The following ASAP2 variants were observed in gnomAD, a reference collection of about 807,000 sequenced individuals.
The protein encoded by ASAP2 is arf-GAP with SH3 domain, ANK repeat and PH domain-containing protein 2.
In ASAP2, 45 loss-of-function variants were observed where a neutral mutation model predicts 131.4. The observed-to-expected ratio is 0.34, with a 90% CI of 0.27 to 0.44. The LOEUF (loss-of-function observed/expected upper bound fraction) is 0.44, where lower values mean the gene tolerates loss of function less well. ASAP2 is among the 20% of genes least tolerant of loss of function. ASAP2 has a pLI of 1.00. For missense variants in ASAP2, 1,011 were observed against 1,297.0 expected, an observed-to-expected ratio of 0.78 and a Z score of 3.39; for synonymous variants, 510 against 503.0, an observed-to-expected ratio of 1.01 and a Z score of -0.19.
intron 15 of ASAP2, among the ~76,000 whole-genome samples, chr2:9,365,804 C>T (rs147710225): frequency 6.6e-6 from 1 of 152,332 alleles, no homozygotes; most frequent in Non-Finnish European, 1.5e-5. Context: ...AGTGAGCTGC[C>T]ATAGAGCAGG....
At chr2:9,342,428 A>G (rs1039132859) in intron 9 of ASAP2, among the ~76,000 whole-genome samples, 1 of 152,204 alleles carries the variant, frequency 6.6e-6, no homozygotes, top group African/African-American at 2.4e-5. Context: ...CTTTTCAACA[A>G]ATTGTGCTGG....
intron 27 of ASAP2, among the ~76,000 whole-genome samples, chr2:9,402,545 A>C (rs778299731): frequency 6.6e-5 from 10 of 152,166 alleles, no homozygotes; most frequent in Admixed American, 1.3e-4. Context: ...AGTTGCCCAC[A>C]ACCCACCATC....
intron 12 of ASAP2, among the ~76,000 whole-genome samples, chr2:9,353,262 G>A (rs1350270107): frequency 6.6e-6 from 1 of 152,144 alleles, no homozygotes; most frequent in Non-Finnish European, 1.5e-5. Context: ...GAACTCTCAA[G>A]ATGCTTTTGA....
At chr2:9,280,316 A>G (rs907848614) in intron 2 of ASAP2, among the ~76,000 whole-genome samples, 2 of 152,128 alleles carry the variant, frequency 1.3e-5, no homozygotes, top group African/African-American at 4.8e-5. Context: ...TCAGGAGGGA[A>G]GGGGAAGAGC....
At chr2:9,254,236 A>AATATATATAT (rs34570938) in intron 1 of ASAP2, among the ~76,000 whole-genome samples, 2 of 47,110 alleles carry the variant, frequency 4.2e-5, no homozygotes, top group African/African-American at 1.4e-4. Context: ...AAAAAAAAAA[A>AATATATATAT]ATATATATAT....
chr2:9,226,971 G>A (rs1662814877), intron 1 of ASAP2, among the ~76,000 whole-genome samples: 1 of 152,136 alleles, frequency 6.6e-6, no homozygotes, highest in Admixed American at 6.5e-5. Context: ...GTGGAGCAGA[G>A]GTGTCGCCCA....
chr2:9,285,291 C>T (rs1267945977), intron 2 of ASAP2, among the ~76,000 whole-genome samples: 1 of 152,132 alleles, frequency 6.6e-6, no homozygotes, highest in East Asian at 1.9e-4. Context: ...ATTTTATTTG[C>T]TAATTGAAAA....
intron 15 of ASAP2, among the ~76,000 whole-genome samples, chr2:9,365,810 G>T (rs1282977059): frequency 6.6e-6 from 1 of 152,206 alleles, no homozygotes; most frequent in Non-Finnish European, 1.5e-5. Flanking sequence ...CTGCCATAGA[G>T]CAGGAGGGTG....
chr2:9,253,107 T>G (rs1392257837), intron 1 of ASAP2, among the ~76,000 whole-genome samples: 1 of 152,128 alleles, frequency 6.6e-6, no homozygotes, highest in African/African-American at 2.4e-5. Context: ...TTTAAAAAGT[T>G]TTTAAAGTCA....
intron 1 of ASAP2, 132 bp from the exon 2 acceptor site, chr2:9,279,182 AGAG>A: frequency 1.3e-6 from 1 of 760,514 alleles, no homozygotes; most frequent in Non-Finnish European, 2.3e-6. Flanking sequence ...GGGACCTGGC[AGAG>A]GAGGCTTGTC....
chr2:9,303,329 T>C (rs1668616840), intron 3 of ASAP2, among the ~76,000 whole-genome samples: 1 of 152,232 alleles, frequency 6.6e-6, no homozygotes, highest in African/African-American at 2.4e-5. Flanking sequence ...ATTTGCTTTT[T>C]AATATTCTGA....
intron 1 of ASAP2, among the ~76,000 whole-genome samples, chr2:9,275,408 C>T (rs141016017): frequency 6.6e-6 from 1 of 152,246 alleles, no homozygotes; most frequent in East Asian, 1.9e-4. Flanking sequence ...GACCCAAACT[C>T]CTGTAGACAC....
chr2:9,244,565 A>C (rs1428362534), intron 1 of ASAP2, among the ~76,000 whole-genome samples: 2 of 152,216 alleles, frequency 1.3e-5, no homozygotes, highest in East Asian at 3.9e-4. Flanking sequence ...GAAGAGCTTG[A>C]CACAAACTTA....
intron 1 of ASAP2, among the ~76,000 whole-genome samples, chr2:9,269,370 G>C (rs905275689): frequency 6.6e-6 from 1 of 152,144 alleles, no homozygotes; most frequent in South Asian, 2.1e-4. Flanking sequence ...CTTAGCTCAC[G>C]GTTGGATAAA....
intron 18 of ASAP2, among the ~76,000 whole-genome samples, chr2:9,377,828 A>T (rs1291377497): frequency 6.6e-6 from 1 of 152,072 alleles, no homozygotes; most frequent in African/African-American, 2.4e-5. Flanking sequence ...GGGGTGGTCA[A>T]CCCCAAGACC....
At chr2:9,305,429 G>GGT (rs1668826627) in intron 3 of ASAP2, among the ~76,000 whole-genome samples, 1 of 146,426 alleles carries the variant, frequency 6.8e-6, no homozygotes, top group Non-Finnish European at 1.5e-5. Context: ...TGGTGGAGAG[G>GGT]CTGTAGTAGT....
At chr2:9,360,520 A>T (rs1039362207) in intron 15 of ASAP2, among the ~76,000 whole-genome samples, 3 of 152,146 alleles carry the variant, frequency 2.0e-5, no homozygotes, top group African/African-American at 7.2e-5. Context: ...GTCCTTCCCT[A>T]TCACCGTCCC....
At position 9,400,736 on chromosome 2, in the gene ASAP2, C is replaced by T. The variant is rs1369572721; in HGVS notation, c.2735-6C>T. The T allele has an allele frequency of 6.2e-7, 1 of 1,612,606 alleles. No individual in the cohort carries two copies. The highest frequency in any genetic ancestry group is 1.7e-5 in the Admixed American group (1 of 60,022). Reference sequence around the variant, plus strand: ...TGTCTTAAGCTGCTTCATTTTTGCCCTACAGTGGATCTCTCTGCAACGGAA... The same window carrying T: ...TGTCTTAAGCTGCTTCATTTTTGCCTTACAGTGGATCTCTCTGCAACGGAA... On this transcript the variant is annotated splice_region_variant and splice_polypyrimidine_tract_variant and intron_variant, in intron 25 of 27. Transcript: ENST00000281419.
At chr2:9,344,410 T>A (rs1671809376) in intron 9 of ASAP2, 122 bp from the exon 10 acceptor site, 1 of 741,458 alleles carries the variant, frequency 1.3e-6, no homozygotes. Flanking sequence ...GAAAGGGAAA[T>A]TTCTCCAATT....
Sources: allele counts gnomAD v4.1 joint callset (sites outside exome capture counted in the v4.1 genomes callset), GRCh38; gene constraint gnomAD v4.1.1; transcripts MANE v1.5; gene names NCBI Gene and HGNC (gene_info 2026-07-23, HGNC 2026-07-21).